The following CUZD1 variants were observed in gnomAD, a reference collection of about 807,000 sequenced individuals.
CUZD1 encodes the protein CUB and zona pellucida-like domain-containing protein 1.
Under a neutral mutation model 53.1 loss-of-function variants are expected in CUZD1, and 42 were observed. That is an observed-to-expected ratio of 0.79 (90% CI 0.62 to 1.02). CUZD1 has a LOEUF of 1.02. Among genes scored for constraint, CUZD1 ranks in the 50% least tolerant of loss-of-function variants. The probability of loss-of-function intolerance (pLI) is 0.00; values close to 1 mark genes in which losing one functional copy is unlikely to be tolerated. For missense variants in CUZD1, 670 were observed against 715.7 expected (o/e 0.94, Z 0.73); for synonymous variants, 238 against 257.2 (o/e 0.93, Z 0.71).
intron 1 of CUZD1, among the ~76,000 whole-genome samples, chr10:122,845,456 T>G (rs1433295743): frequency 1.3e-5 from 2 of 152,234 alleles, no homozygotes; most frequent in African/African-American, 4.8e-5. Flanking sequence ...ATGTTGTAGT[T>G]TACAATTATG....
rs145984488 is a variant in CUZD1, at chr10:122,832,292, G to C, written c.1810C>G (p.Leu604Val). 1.2e-6 allele frequency: 2 copies of C among 1,614,070 alleles called. No individual in the cohort carries two copies. Among genetic ancestry groups the C allele is most frequent in the African/African-American group, 1.3e-5 (1 of 75,048 alleles). The change falls in exon 9 of 9, where the codon CTG (leucine) becomes GTG (valine). Residue 604 changes from leucine to valine, a missense_variant. Physicochemically the swap from Leu to Val is conservative, Grantham distance 32 (BLOSUM62 1). Transcript: ENST00000392790. ...GGACCTGTTAGTTAATAGTTCTGCA[G>C]CTTCTGGTATTTGTAGTCTGCCCGT... ...NQRADYKYQK[L>V]QNY
chr10:122,837,512 G>C lies in CUZD1; in HGVS notation c.491C>G (p.Ser164Cys). The C allele has an allele frequency of 6.2e-7, 1 of 1,607,120 alleles. No homozygotes were observed. Among genetic ancestry groups the C allele is most frequent in the Non-Finnish European group, 8.5e-7 (1 of 1,176,614 alleles). ...CTTTGGGTAATTGGGGCTGGTGAAG[G>C]ATCCTTCCAAGGTATCCAGGTAACC... Reference protein sequence around the residue: ...CGGYLDTLEGSFTSPNYPKPH... With the variant: ...CGGYLDTLEGCFTSPNYPKPH... The change falls in exon 4 of 9, where the codon TCC becomes TGC. Residue 164 changes from serine to cysteine, a missense_variant. Coordinates refer to ENST00000392790, the MANE Select transcript of CUZD1 (RefSeq NM_022034.6).
intron 1 of CUZD1, among the ~76,000 whole-genome samples, chr10:122,843,607 T>C (rs774117490): frequency 2.6e-5 from 4 of 152,060 alleles, no homozygotes; most frequent in African/African-American, 7.2e-5. Flanking sequence ...TACTGATACA[T>C]GCTACAATAC....
intron 1 of CUZD1, among the ~76,000 whole-genome samples, chr10:122,841,933 T>C (rs1847351121): frequency 6.6e-6 from 1 of 152,192 alleles, no homozygotes; most frequent in Non-Finnish European, 1.5e-5. Flanking sequence ...GGTAAGTATC[T>C]CTCAGTCTTT....
chr10:122,840,736 C>T (rs1346820651), intron 2 of CUZD1, among the ~76,000 whole-genome samples: 1 of 152,062 alleles, frequency 6.6e-6, no homozygotes, highest in African/African-American at 2.4e-5. Flanking sequence ...GAGTCTACCC[C>T]CAGAGATTAT....
At chr10:122,841,124 C>T in intron 2 of CUZD1, 54 bp downstream of exon 2, 2 of 1,538,104 alleles carry the variant, frequency 1.3e-6, no homozygotes, top group African/African-American at 2.7e-5. Context: ...CCTACCCACC[C>T]CAATGTGGTC....
At chr10:122,836,414 G>C (rs1847251707) in intron 5 of CUZD1, 64 bp from the exon 6 acceptor site, 1 of 1,353,564 alleles carries the variant, frequency 7.4e-7, no homozygotes, top group African/African-American at 1.5e-5. Flanking sequence ...GTTGGATCTT[G>C]AAGAGCTACG....
Position 122,835,076 on chromosome 10 carries a change from A to G in CUZD1, c.1012T>C (p.Tyr338His), listed in dbSNP as rs1268733467. 2.5e-6 allele frequency: 4 copies of G among 1,584,170 alleles called. No homozygotes were observed. The highest frequency in any genetic ancestry group is 3.4e-6 in the Non-Finnish European group (4 of 1,165,238). The change falls in exon 7 of 9, where the codon TAC (tyrosine) becomes CAC (histidine). Residue 338 changes from tyrosine (Y) to histidine (H), a missense_variant. Coordinates refer to ENST00000392790, the MANE Select transcript of CUZD1 (RefSeq NM_022034.6). ...IRKVEDQSITYTNIITFSASS... is the reference protein window; with the variant it reads ...IRKVEDQSITHTNIITFSASS... ...GCAGAAAAGGTGATTATATTGGTGT[A>G]AGTAATTGACTGATCTTCTACCTGC...
At chr10:122,843,136 T>C (rs1847369584) in intron 1 of CUZD1, among the ~76,000 whole-genome samples, 1 of 152,114 alleles carries the variant, frequency 6.6e-6, no homozygotes, top group African/African-American at 2.4e-5. Flanking sequence ...TAAAAACAAA[T>C]GTCCACATAA....
Position 122,839,239 on chromosome 10 carries a change from A to T in CUZD1, c.234-8T>A. 1 of 1,613,276 alleles carries T rather than the reference A, an allele frequency of 6.2e-7. No individual in the cohort carries two copies. Among genetic ancestry groups the T allele is most frequent in the Non-Finnish European group, 8.5e-7 (1 of 1,179,346 alleles). On this transcript the variant is annotated splice_polypyrimidine_tract_variant and splice_region_variant and intron_variant, in intron 2 of 8. Coordinates refer to ENST00000392790, the MANE Select transcript of CUZD1 (RefSeq NM_022034.6). ...CTTCCATCTGGATCAAGCCTGTGGA[A>T]AAAACACAACTGTGGCTGAAGAAGT...
chr10:122,836,956 C>T lies in CUZD1; in HGVS notation c.692G>A (p.Arg231His), dbSNP rs144483251. ...TGACGATTCGAAGGTGGGAGTCACACGGCCACAGACTTGTCCAATCAGGCC... is the reference window on the plus strand; with the variant it reads ...TGACGATTCGAAGGTGGGAGTCACATGGCCACAGACTTGTCCAATCAGGCC... ...NSGLIGQVCG[R>H]VTPTFESSSN... Residue 231 changes from arginine to histidine, a missense_variant, in exon 5 of 9, where the codon CGT (arginine) becomes CAT (histidine). By Grantham distance (29) the Arg-to-His change is conservative (BLOSUM62 0). Coordinates refer to ENST00000392790, the MANE Select transcript of CUZD1 (RefSeq NM_022034.6). 3,321 of 1,614,034 alleles carry T rather than the reference C, an allele frequency of 2.1e-3. 3 individuals carry two copies. The highest frequency in any genetic ancestry group is 2.5e-3 in the Non-Finnish European group (3,005 of 1,179,938).
At chr10:122,843,845 A>G (rs1239015159) in intron 1 of CUZD1, among the ~76,000 whole-genome samples, 1 of 146,926 alleles carries the variant, frequency 6.8e-6, no homozygotes, top group Non-Finnish European at 1.5e-5. Flanking sequence ...CCACACAGAA[A>G]CTTGTACACT....
intron 1 of CUZD1, among the ~76,000 whole-genome samples, chr10:122,841,936 C>A (rs1220545213): frequency 6.6e-6 from 1 of 152,004 alleles, no homozygotes; most frequent in Non-Finnish European, 1.5e-5. Context: ...AAGTATCTCT[C>A]AGTCTTTTGC....
At chr10:122,833,396 A>G (rs867862315) in intron 8 of CUZD1, among the ~76,000 whole-genome samples, 19 of 152,340 alleles carry the variant, frequency 1.2e-4, no homozygotes, top group South Asian at 4.1e-4. Flanking sequence ...GAAAACTAAA[A>G]GAAACTTGTT....
chr10:122,837,070 T>A, intron 4 of CUZD1, 22 bp from the exon 5 acceptor site: 1 of 1,505,742 alleles, frequency 6.6e-7, no homozygotes, highest in Non-Finnish European at 9.2e-7. Flanking sequence ...GGGCCTCTGG[T>A]GAAAAAGAGT....
chr10:122,843,367 GT>G (rs2133818605), intron 1 of CUZD1, among the ~76,000 whole-genome samples: 1 of 152,278 alleles, frequency 6.6e-6, no homozygotes, highest in East Asian at 1.9e-4. Flanking sequence ...TAAAATGACA[GT>G]GTTTGCATGT....
In CUZD1 at chr10:122,845,848, G is replaced by A; in HGVS notation, c.-5C>T. ...GAGCCTTCTTACAAGCTCCATTTTG[G>A]CAAGGCGCTGGGCAGCCTTAAGGAC... On this transcript the variant is annotated 5_prime_UTR_variant, in exon 1 of 9. Transcript: ENST00000392790. 3 of 1,613,244 alleles carry A rather than the reference G, an allele frequency of 1.9e-6. No individual in the cohort carries two copies. The highest frequency in any genetic ancestry group is 2.5e-6 in the Non-Finnish European group (3 of 1,179,560).
intron 2 of CUZD1, among the ~76,000 whole-genome samples, chr10:122,839,486 TCA>T (rs1264230793): frequency 1.3e-4 from 20 of 152,356 alleles, no homozygotes; most frequent in African/African-American, 4.3e-4. Flanking sequence ...GCGCCTGGAA[TCA>T]GAATTCCTTT....
In CUZD1 at chr10:122,833,757, T is replaced by G. The variant is rs1183127195; in HGVS notation, c.1566A>C (p.Arg522=). 6.2e-7 allele frequency: 1 copy of G among 1,613,920 alleles called. No individual in the cohort carries two copies. Among genetic ancestry groups the G allele is most frequent in the East Asian group, 2.2e-5 (1 of 44,888 alleles). The part of the protein sequence containing the change: ...CNQGCVSRSK[R]DISSYKWKTD... Reference sequence around the variant, plus strand: ...TTTTCCATTTATATGAAGAAATGTCTCGTTTGCTTCTGGAGACACAACCTT... The same window carrying G: ...TTTTCCATTTATATGAAGAAATGTCGCGTTTGCTTCTGGAGACACAACCTT... Residue 522 remains arginine, a synonymous_variant, in exon 8 of 9, where the codon CGA becomes CGC. Coordinates refer to ENST00000392790, the MANE Select transcript of CUZD1 (RefSeq NM_022034.6).
Sources: gnomAD v4.1 joint callset for allele counts (sites outside exome capture counted in the v4.1 genomes callset) on GRCh38, gnomAD v4.1.1 for gene constraint, MANE v1.5 for transcripts, NCBI Gene and HGNC (gene_info 2026-07-23, HGNC 2026-07-21) for gene names.